Variants in CALCRL observed in about 807,000 individuals in gnomAD.
The protein encoded by CALCRL is calcitonin receptor like receptor, also known as calcitonin gene-related peptide type 1 receptor.
In CALCRL, 27 loss-of-function variants were observed where a neutral mutation model predicts 60.4. That is an observed-to-expected ratio of 0.45 (90% CI 0.33 to 0.62). CALCRL has a LOEUF of 0.62. CALCRL is among the 20% of genes least tolerant of loss of function. The pLI is 0.03. For missense variants in CALCRL, 424 were observed against 540.7 expected (o/e 0.78, Z 2.14); for synonymous variants, 190 against 182.6 (o/e 1.04, Z -0.33).
chr2:187,399,335 T>A (rs1688785398), intron 1 of CALCRL, among the ~76,000 whole-genome samples: 2 of 151,458 alleles, frequency 1.3e-5, no homozygotes, highest in Admixed American at 1.3e-4. Context: ...TCTTGGATAA[T>A]CCACAACTAA....
At chr2:187,382,846 A>T (rs1288732530) in intron 5 of CALCRL, among the ~76,000 whole-genome samples, 2 of 152,056 alleles carry the variant, frequency 1.3e-5, no homozygotes, top group Non-Finnish European at 2.9e-5. Context: ...AAAAAAAAAG[A>T]AATACACAAT....
chr2:187,429,696 A>T (rs1574317406), intron 1 of CALCRL, among the ~76,000 whole-genome samples: 1 of 152,226 alleles, frequency 6.6e-6, no homozygotes, highest in Non-Finnish European at 1.5e-5. Context: ...TTTACACCTT[A>T]AACTGCACTA....
chr2:187,381,554 C>T (rs1181762218), intron 5 of CALCRL, among the ~76,000 whole-genome samples: 2 of 151,680 alleles, frequency 1.3e-5, no homozygotes, highest in African/African-American at 2.4e-5. Flanking sequence ...CTCCCAGGTT[C>T]AAGTGATTCT....
intron 3 of CALCRL, among the ~76,000 whole-genome samples, chr2:187,386,232 A>G (rs1688202308): frequency 6.6e-6 from 1 of 152,078 alleles, no homozygotes; most frequent in Admixed American, 6.6e-5. Flanking sequence ...AGAGTTTTTC[A>G]TGGACATAAA....
In CALCRL at chr2:187,380,725, C is replaced by G; in HGVS notation, c.247G>C (p.Glu83Gln). 6.2e-7 allele frequency: 1 copy of G among 1,614,076 alleles called. No individual in the cohort carries two copies. The highest frequency in any genetic ancestry group is 8.5e-7 in the Non-Finnish European group (1 of 1,179,986). Residue 83 changes from glutamate (E) to glutamine (Q), a missense_variant, in exon 6 of 15, where the codon GAA becomes CAA. This residue lies in a region of CALCRL where 108 missense variants were observed against 132.9 expected (regional missense o/e 0.81). Transcript: ENST00000392370. The stretch of plus-strand genomic sequence containing the variant: ...TAATCAGGGCAGAGCTGCATTGATT[C>G]AGTTCCTGCTGCAACATCGTTCCAG... ...LCWNDVAAGT[E>Q]SMQLCPDYFQ...
chr2:187,418,101 G>A (rs1014894256), intron 1 of CALCRL, among the ~76,000 whole-genome samples: 2 of 152,082 alleles, frequency 1.3e-5, no homozygotes, highest in Admixed American at 1.3e-4. Context: ...TGTTCTCAGA[G>A]TCCTCCTGCA....
chr2:187,380,021 T>C (rs969913728), intron 7 of CALCRL, among the ~76,000 whole-genome samples: 65 of 152,100 alleles, frequency 4.3e-4, no homozygotes, highest in African/African-American at 1.5e-3. Context: ...AAGGATGCGA[T>C]AGTTAGTGCG....
chr2:187,424,956 T>G (rs1356042895), intron 1 of CALCRL, among the ~76,000 whole-genome samples: 1 of 151,992 alleles, frequency 6.6e-6, no homozygotes, highest in African/African-American at 2.4e-5. Context: ...TAATGTCATT[T>G]TTTAAAAAAT....
intron 1 of CALCRL, among the ~76,000 whole-genome samples, chr2:187,410,244 ATT>A (rs1689300682): frequency 6.6e-6 from 1 of 152,192 alleles, no homozygotes; most frequent in South Asian, 2.1e-4. Flanking sequence ...TGACATGAAC[ATT>A]TTAAAATATT....
At chr2:187,408,790 AG>A (rs1277132077) in intron 1 of CALCRL, among the ~76,000 whole-genome samples, 4 of 152,132 alleles carry the variant, frequency 2.6e-5, no homozygotes, top group African/African-American at 9.6e-5. Flanking sequence ...TATTCCAGCC[AG>A]AGTTAAAAAA....
chr2:187,404,741 A>G (rs968044887), intron 1 of CALCRL, among the ~76,000 whole-genome samples: 1 of 151,928 alleles, frequency 6.6e-6, no homozygotes, highest in Non-Finnish European at 1.5e-5. Context: ...AAAAAGAAAC[A>G]GCATCTGATG....
chr2:187,400,040 GTAAA>G (rs1328161256), intron 1 of CALCRL, among the ~76,000 whole-genome samples: 1 of 151,306 alleles, frequency 6.6e-6, no homozygotes, highest in Non-Finnish European at 1.5e-5. Context: ...AGACTATGGA[GTAAA>G]TACAGTTAAA....
chr2:187,431,356 C>T (rs1221319669), intron 1 of CALCRL: 1 of 155,108 alleles, frequency 6.4e-6, no homozygotes, highest in African/African-American at 2.4e-5. Flanking sequence ...GGTGTATCAT[C>T]GTAGGACCCT....
intron 8 of CALCRL, among the ~76,000 whole-genome samples, chr2:187,371,463 T>G (rs552850783): frequency 6.6e-6 from 1 of 152,086 alleles, no homozygotes; most frequent in Non-Finnish European, 1.5e-5. Context: ...GTCAAACCTC[T>G]GACAGTGCAG....
intron 1 of CALCRL, among the ~76,000 whole-genome samples, chr2:187,410,384 A>G (rs1484955206): frequency 6.6e-6 from 1 of 152,088 alleles, no homozygotes; most frequent in Non-Finnish European, 1.5e-5. Flanking sequence ...AGAAGAGAAG[A>G]GATATCTGCC....
At chr2:187,443,270 A>G (rs1212857596) in intron 1 of CALCRL, among the ~76,000 whole-genome samples, 3 of 151,796 alleles carry the variant, frequency 2.0e-5, no homozygotes, top group Admixed American at 6.6e-5. Flanking sequence ...AAAATTTTGC[A>G]TAGAAACAAA....
intron 14 of CALCRL, among the ~76,000 whole-genome samples, chr2:187,347,642 CAT>C (rs967848845): frequency 3.1e-4 from 47 of 151,622 alleles, no homozygotes; most frequent in African/African-American, 1.1e-3. Flanking sequence ...CACACACACA[CAT>C]ACACACACAC....
intron 1 of CALCRL, among the ~76,000 whole-genome samples, chr2:187,391,951 A>G (rs1265600596): frequency 6.6e-6 from 1 of 152,094 alleles, no homozygotes; most frequent in Non-Finnish European, 1.5e-5. Context: ...TTAAATTTTA[A>G]GAGGGCAATC....
chr2:187,438,010 T>C (rs1159480632), intron 1 of CALCRL, among the ~76,000 whole-genome samples: 1 of 152,168 alleles, frequency 6.6e-6, no homozygotes, highest in African/African-American at 2.4e-5. Context: ...AGTAAAGTTA[T>C]TGTTTTACTG....
Sources: allele counts gnomAD v4.1 joint callset (sites outside exome capture counted in the v4.1 genomes callset), GRCh38; gene constraint gnomAD v4.1.1; regional missense constraint gnomAD v4.1.1; transcripts MANE v1.5; gene names NCBI Gene and HGNC (gene_info 2026-07-23, HGNC 2026-07-21).